Variants in KATNIP observed in about 807,000 individuals in gnomAD.
KATNIP encodes katanin interacting protein.
A neutral mutation model predicts 174.0 loss-of-function variants in KATNIP; 126 were observed. That is an observed-to-expected ratio of 0.72 (90% CI 0.63 to 0.84). KATNIP has a LOEUF of 0.84. KATNIP is among the 40% of genes least tolerant of loss of function. The pLI is 0.00. For missense variants in KATNIP, 1,958 were observed against 2,109.7 expected (o/e 0.93, Z 1.41); for synonymous variants, 810 against 835.7 (o/e 0.97, Z 0.53).
Position 27,754,267 on chromosome 16 carries a change from G to A in KATNIP, c.3631+16G>A. The A allele has an allele frequency of 1.2e-6, 2 of 1,610,426 alleles. No homozygotes were observed. Among genetic ancestry groups the A allele is most frequent in the Non-Finnish European group, 1.7e-6 (2 of 1,176,604 alleles). ...CACGGAATCTGTGAGTAGCTCTCCTGGAGCAGTGTTGGGTGGAAGGAGGAC... is the reference window on the plus strand; with the variant it reads ...CACGGAATCTGTGAGTAGCTCTCCTAGAGCAGTGTTGGGTGGAAGGAGGAC... On this transcript the variant is annotated intron_variant, in intron 18 of 27. Coordinates refer to ENST00000261588, the MANE Select transcript of KATNIP (RefSeq NM_015202.5).
intron 2 of KATNIP, among the ~76,000 whole-genome samples, chr16:27,586,069 C>A (rs527586900): frequency 1.3e-5 from 2 of 152,108 alleles, no homozygotes; most frequent in African/African-American, 4.8e-5. Flanking sequence ...CAATGCACTC[C>A]AGCCTGGGCG....
intron 23 of KATNIP, among the ~76,000 whole-genome samples, chr16:27,773,807 C>A (rs978939836): frequency 1.3e-5 from 2 of 152,152 alleles, no homozygotes; most frequent in East Asian, 3.9e-4. Flanking sequence ...CAAGCATATC[C>A]TTCTGGTCTA....
intron 1 of KATNIP, among the ~76,000 whole-genome samples, chr16:27,553,272 T>C (rs2089470474): frequency 6.6e-6 from 1 of 152,214 alleles, no homozygotes; most frequent in Admixed American, 6.5e-5. Context: ...AAAAGGAGTT[T>C]AAGTATTAGG....
At chr16:27,680,427 G>T (rs747321137) in intron 7 of KATNIP, among the ~76,000 whole-genome samples, 19 of 152,166 alleles carry the variant, frequency 1.2e-4, no homozygotes, top group Non-Finnish European at 2.4e-4. Context: ...TGGGTGTGAA[G>T]AACCAGGCCA....
In KATNIP at chr16:27,740,496, C is replaced by A; in HGVS notation, c.2199C>A (p.Ile733=). Residue 733 remains isoleucine, a synonymous_variant, in exon 15 of 28, where the codon ATC becomes ATA. Coordinates refer to ENST00000261588, the MANE Select transcript of KATNIP (RefSeq NM_015202.5). The part of the protein sequence containing the change: ...CPPVHEEPSL[I]QQLENLMGRK... Reference sequence around the variant, plus strand: ...CTGTCCATGAGGAGCCCTCTCTCATCCAACAACTGGAAAACCTCATGGGCA... The same window carrying A: ...CTGTCCATGAGGAGCCCTCTCTCATACAACAACTGGAAAACCTCATGGGCA... 5.0e-6 allele frequency: 8 copies of A among 1,614,174 alleles called. No individual in the cohort carries two copies. Among genetic ancestry groups the A allele is most frequent in the Non-Finnish European group, 6.8e-6 (8 of 1,180,036 alleles).
At chr16:27,635,816 CTT>C (rs1173953265) in intron 5 of KATNIP, among the ~76,000 whole-genome samples, 1 of 152,090 alleles carries the variant, frequency 6.6e-6, no homozygotes, top group Admixed American at 6.5e-5. Context: ...TTTTAAAAGA[CTT>C]TTCGAAGCTT....
intron 14 of KATNIP, among the ~76,000 whole-genome samples, chr16:27,724,154 C>T (rs527593041): frequency 1.3e-5 from 2 of 152,308 alleles, no homozygotes; most frequent in East Asian, 1.9e-4. Flanking sequence ...CTTGTGTGCT[C>T]AGAGGCTGAC....
At chr16:27,748,702 T>C (rs1430396465) in intron 15 of KATNIP, among the ~76,000 whole-genome samples, 2 of 151,982 alleles carry the variant, frequency 1.3e-5, no homozygotes, top group Non-Finnish European at 2.9e-5. Flanking sequence ...GAGGATCGCT[T>C]GAGGCCAGGA....
chr16:27,587,920 T>A (rs2090961147), intron 2 of KATNIP, among the ~76,000 whole-genome samples: 1 of 151,670 alleles, frequency 6.6e-6, no homozygotes, highest in East Asian at 1.9e-4. Context: ...TCTTTTCTTT[T>A]CTTTTTTTTT....
intron 14 of KATNIP, among the ~76,000 whole-genome samples, chr16:27,730,553 A>C (rs887071920): frequency 6.6e-6 from 1 of 152,090 alleles, no homozygotes; most frequent in African/African-American, 2.4e-5. Context: ...GGCCCCCATA[A>C]AACTCTTCTC....
intron 13 of KATNIP, among the ~76,000 whole-genome samples, chr16:27,716,175 T>C (rs954079174): frequency 2.0e-5 from 3 of 152,210 alleles, no homozygotes; most frequent in Non-Finnish European, 4.4e-5. Context: ...GAAAACATTA[T>C]GCCAAGTGAA....
chr16:27,550,761 A>G (rs1027643397), intron 1 of KATNIP, among the ~76,000 whole-genome samples: 2 of 152,190 alleles, frequency 1.3e-5, no homozygotes, highest in African/African-American at 4.8e-5. Flanking sequence ...GATGAAACTG[A>G]GGCTCAGAGG....
intron 1 of KATNIP, among the ~76,000 whole-genome samples, chr16:27,572,274 A>T: frequency 6.6e-6 from 1 of 151,144 alleles, no homozygotes; most frequent in Non-Finnish European, 1.5e-5. Flanking sequence ...TTTTTTTTTT[A>T]AAGAACACCC....
intron 5 of KATNIP, among the ~76,000 whole-genome samples, chr16:27,647,698 T>C (rs2077000326): frequency 6.6e-6 from 1 of 151,994 alleles, no homozygotes; most frequent in Admixed American, 6.6e-5. Context: ...AGAGATGGGG[T>C]TTCTCCATCT....
chr16:27,614,607 G>C (rs1350435998), intron 2 of KATNIP, among the ~76,000 whole-genome samples: 2 of 151,962 alleles, frequency 1.3e-5, no homozygotes, highest in African/African-American at 4.8e-5. Flanking sequence ...GCCCGGCCTT[G>C]TTTTTGTTTT....
chr16:27,749,205 T>C (rs1409263701), intron 15 of KATNIP, among the ~76,000 whole-genome samples: 3 of 152,260 alleles, frequency 2.0e-5, no homozygotes, highest in Non-Finnish European at 4.4e-5. Flanking sequence ...GATTGCATTC[T>C]TAGAAAATTC....
intron 2 of KATNIP, among the ~76,000 whole-genome samples, chr16:27,590,614 C>T (rs1043799008): frequency 1.8e-4 from 27 of 152,218 alleles, no homozygotes; most frequent in African/African-American, 6.3e-4. Context: ...CTTTTCTGTC[C>T]CAAAGACCTG....
At chr16:27,762,373 T>A (rs1053541746) in intron 19 of KATNIP, among the ~76,000 whole-genome samples, 1 of 152,174 alleles carries the variant, frequency 6.6e-6, no homozygotes, top group Non-Finnish European at 1.5e-5. Context: ...GGCACTGGGC[T>A]ATGCGAAGCA....
chr16:27,740,468 C>G lies in KATNIP; in HGVS notation c.2171C>G (p.Pro724Arg), dbSNP rs757194077. The change falls in exon 15 of 28, where the codon CCT (proline) becomes CGT (arginine). Residue 724 changes from proline to arginine, a missense_variant. Transcript: ENST00000261588. ...GCCACTTCCCCACCTGTGAAGTGCCCTCCTGTCCATGAGGAGCCCTCTCTC... is the reference window on the plus strand; with the variant it reads ...GCCACTTCCCCACCTGTGAAGTGCCGTCCTGTCCATGAGGAGCCCTCTCTC... ...APATSPPVKC[P>R]PVHEEPSLIQ... 10 of 1,614,002 alleles carry G rather than the reference C, an allele frequency of 6.2e-6. No homozygotes were observed. In the East Asian group the frequency reaches 2.0e-4, roughly 32 times the overall value.
Sources: gnomAD v4.1 joint callset for allele counts (sites outside exome capture counted in the v4.1 genomes callset) on GRCh38, gnomAD v4.1.1 for gene constraint, MANE v1.5 for transcripts, NCBI Gene and HGNC (gene_info 2026-07-23, HGNC 2026-07-21) for gene names.